Variants in SCML4 observed in about 807,000 individuals in gnomAD.
The protein encoded by SCML4 is sex comb on midleg-like protein 4.
A neutral mutation model predicts 41.1 loss-of-function variants in SCML4; 34 were observed. The observed-to-expected ratio is 0.83, with a 90% CI of 0.63 to 1.10. SCML4 has a LOEUF of 1.10. SCML4 is among the 50% of genes least tolerant of loss of function. The pLI is 0.00. For missense variants in SCML4, 522 were observed against 534.1 expected (o/e 0.98, Z 0.22); for synonymous variants, 214 against 220.9 (o/e 0.97, Z 0.28).
rs56736792 is a variant in SCML4, at chr6:107,759,961, C to T, written c.157-10148G>A. Reference sequence around the variant, plus strand: ...GTCCTGGTTCTACTGCCAACTCGCACGGGACTCTGAGCAACTCACTCAGCT... The same window carrying T: ...GTCCTGGTTCTACTGCCAACTCGCATGGGACTCTGAGCAACTCACTCAGCT... On this transcript the variant is annotated intron_variant, in intron 2 of 7. Transcript: ENST00000369020. Among the ~76,000 whole-genome samples, 883 of 152,224 alleles carry T rather than the reference C, an allele frequency of 5.8e-3. 6 individuals are homozygous for T. Among genetic ancestry groups the T allele is most frequent in the African/African-American group, 0.021 (852 of 41,512 alleles).
intron 1 of SCML4, among the ~76,000 whole-genome samples, chr6:107,790,419 A>G (rs547847571): frequency 6.6e-6 from 1 of 152,308 alleles, no homozygotes; most frequent in South Asian, 2.1e-4. Flanking sequence ...AAAGGTCAGA[A>G]AAGGAAAAAT....
chr6:107,707,368 T>G, intron 7 of SCML4, among the ~76,000 whole-genome samples: 1 of 83,128 alleles, frequency 1.2e-5, no homozygotes. Context: ...TTATTGATTC[T>G]TATCTTTAAA....
In SCML4 at chr6:107,720,972, T is replaced by C; in HGVS notation, c.704A>G (p.Glu235Gly). Residue 235 changes from glutamate to glycine, a missense_variant, in exon 6 of 8, where the codon GAG becomes GGG. Physicochemically the swap from Glu to Gly is moderately conservative, Grantham distance 98 (BLOSUM62 -2). Coordinates refer to ENST00000369020, the MANE Select transcript of SCML4 (RefSeq NM_198081.5). ...MESVKTVTTE[E>G]YLVNPVGMNR... ...CATGCCCACAGGGTTCACCAGGTAC[T>C]CTTCGGTGGTGACTGTCTTGACTAA... 6.2e-7 allele frequency: 1 copy of C among 1,611,200 alleles called. No individual in the cohort carries two copies. The highest frequency in any genetic ancestry group is 8.5e-7 in the Non-Finnish European group (1 of 1,178,596).
intron 5 of SCML4, among the ~76,000 whole-genome samples, chr6:107,722,927 A>G (rs1400510510): frequency 6.6e-6 from 1 of 152,222 alleles, no homozygotes; most frequent in African/African-American, 2.4e-5. Context: ...ATTTGAGCAA[A>G]AATTAATTCA....
intron 6 of SCML4, among the ~76,000 whole-genome samples, chr6:107,717,466 C>G (rs1236330109): frequency 1.3e-5 from 2 of 152,110 alleles, no homozygotes; most frequent in East Asian, 3.9e-4. Flanking sequence ...TTTAAACATC[C>G]CACAGTCCCG....
At chr6:107,831,462 T>TGA in the SCML4 span, among the ~76,000 whole-genome samples, 1 of 139,210 alleles carries the variant, frequency 7.2e-6, no homozygotes, top group South Asian at 2.3e-4. Flanking sequence ...AAAAAGCAAC[T>TGA]GATTGATCAG....
chr6:107,713,767 C>G (rs967835442), intron 6 of SCML4, among the ~76,000 whole-genome samples: 4 of 152,032 alleles, frequency 2.6e-5, no homozygotes, highest in African/African-American at 4.8e-5. Context: ...TTGGGAGGAC[C>G]GGGGCTGGCA....
rs1217063366 is a variant in SCML4, at chr6:107,707,896, C to T, written c.1089G>A (p.Leu363=). The T allele has an allele frequency of 6.4e-7, 1 of 1,551,714 alleles. No individual in the cohort carries two copies. Among genetic ancestry groups the T allele is most frequent in the Non-Finnish European group, 8.7e-7 (1 of 1,147,002 alleles). The part of the protein sequence containing the change: ...WFVKDADPQA[L]GPHVELFRKH... Reference sequence around the variant, plus strand: ...TTCTGAAGAGCTCCACGTGAGGCCCCAGAGCCTGTGGGTCGGCGTCCTTCA... The same window carrying T: ...TTCTGAAGAGCTCCACGTGAGGCCCTAGAGCCTGTGGGTCGGCGTCCTTCA... The change falls in exon 7 of 8, where the codon CTG becomes CTA. Residue 363 remains leucine (L), a synonymous_variant. Coordinates refer to ENST00000369020, the MANE Select transcript of SCML4 (RefSeq NM_198081.5).
chr6:107,711,700 A>G (rs1774236192), intron 6 of SCML4, among the ~76,000 whole-genome samples: 1 of 152,142 alleles, frequency 6.6e-6, no homozygotes, highest in Non-Finnish European at 1.5e-5. Flanking sequence ...TGTAATCTTT[A>G]CTTCTATTTT....
Position 107,745,050 on chromosome 6 carries a change from C to T in SCML4, c.581G>A (p.Arg194Gln), listed in dbSNP as rs555376188. The change falls in exon 5 of 8, where the codon CGA (arginine) becomes CAA (glutamine). Residue 194 changes from arginine (R) to glutamine (Q), a missense_variant. By Grantham distance (43) the Arg-to-Gln change is conservative (BLOSUM62 1). Transcript: ENST00000369020. ...YVLRFLAKLC[R>Q]SLLCDDLFSH... ...GAAGAGGTCATCGCACAGGAGGCTT[C>T]GGCACAGCTTGGCGAGGAAGCGGAG... The T allele has an allele frequency of 2.1e-5, 34 of 1,613,978 alleles. No individual in the cohort carries two copies. The highest frequency in any genetic ancestry group is 2.6e-5 in the Non-Finnish European group (31 of 1,179,990).
intron 2 of SCML4, among the ~76,000 whole-genome samples, chr6:107,759,266 G>C (rs922995741): frequency 2.0e-5 from 3 of 152,028 alleles, no homozygotes; most frequent in African/African-American, 7.2e-5. Flanking sequence ...GGAGGCGGAG[G>C]TTGCAGTAAG....
chr6:107,811,864 G>C (rs1442042304), intron 1 of SCML4, among the ~76,000 whole-genome samples: 2 of 152,192 alleles, frequency 1.3e-5, no homozygotes, highest in Non-Finnish European at 2.9e-5. Context: ...TGTGAGACAT[G>C]GACCAGTCGT....
chr6:107,751,229 C>T (rs965322019), intron 2 of SCML4, among the ~76,000 whole-genome samples: 4 of 152,126 alleles, frequency 2.6e-5, no homozygotes, highest in African/African-American at 7.2e-5. Context: ...AGGGAAGGGG[C>T]ATGAGAAGTG....
chr6:107,708,077 GC>G, intron 6 of SCML4, 66 bp from the exon 7 acceptor site: 1 of 1,509,508 alleles, frequency 6.6e-7, no homozygotes, highest in South Asian at 1.2e-5. Context: ...ACCTGGTGCT[GC>G]CTGCCCCCAC....
intron 6 of SCML4, among the ~76,000 whole-genome samples, chr6:107,712,138 T>C (rs1477694594): frequency 2.0e-5 from 3 of 152,180 alleles, no homozygotes; most frequent in African/African-American, 4.8e-5. Flanking sequence ...GCACTCAACA[T>C]GGGGACGAGG....
chr6:107,766,000 C>G (rs919353553), intron 2 of SCML4, among the ~76,000 whole-genome samples: 1 of 152,168 alleles, frequency 6.6e-6, no homozygotes, highest in African/African-American at 2.4e-5. Flanking sequence ...AAACTATTAT[C>G]CAATCCAGGC....
intron 6 of SCML4, among the ~76,000 whole-genome samples, chr6:107,712,677 G>A (rs1348964927): frequency 1.3e-5 from 2 of 152,156 alleles, no homozygotes; most frequent in Non-Finnish European, 2.9e-5. Context: ...CTGATCCAAA[G>A]CACATAGATT....
At chr6:107,825,845 G>A (rs1785230260), upstream of SCML4, among the ~76,000 whole-genome samples, 1 of 148,380 alleles carries the variant, frequency 6.7e-6, no homozygotes, top group South Asian at 2.1e-4. Context: ...GCTGAGGAGG[G>A]AGAATGGCGT....
chr6:107,830,420 C>T, the SCML4 span, among the ~76,000 whole-genome samples: 12 of 152,070 alleles, frequency 7.9e-5, no homozygotes, highest in African/African-American at 1.4e-4. Context: ...CCAGGGGCAG[C>T]GTCTGGTAAG....
Sources: allele counts gnomAD v4.1 joint callset (sites outside exome capture counted in the v4.1 genomes callset), GRCh38; gene constraint gnomAD v4.1.1; transcripts MANE v1.5; gene names NCBI Gene and HGNC (gene_info 2026-07-23, HGNC 2026-07-21).